LIMS1: variants seen among roughly 807,000 people sequenced by gnomAD.
LIMS1 encodes the protein LIM zinc finger domain containing 1.
In LIMS1, 18 loss-of-function variants were observed where a neutral mutation model predicts 44.1. The ratio of observed to expected loss-of-function variants is 0.41; its 90% CI spans 0.28 to 0.61. LIMS1 has a LOEUF of 0.61. Ranked by LOEUF, LIMS1 falls within the 20% of genes least tolerant of loss-of-function variation. The probability of loss-of-function intolerance (pLI) is 0.32; values close to 1 mark genes in which losing one functional copy is unlikely to be tolerated. For synonymous variants in LIMS1, 93 were observed against 149.1 expected (o/e 0.62, Z 2.74); for missense variants, 201 against 422.0 (o/e 0.48, Z 4.59).
At chr2:108,564,573 T>C (rs1685231366) in intron 1 of LIMS1, among the ~76,000 whole-genome samples, 1 of 152,130 alleles carries the variant, frequency 6.6e-6, no homozygotes, top group Non-Finnish European at 1.5e-5. Context: ...GGAGCCGGTG[T>C]TGCACTTCAA....
chr2:108,552,367 C>T (rs1032222471), intron 1 of LIMS1, among the ~76,000 whole-genome samples: 107 of 133,490 alleles, frequency 8.0e-4, no homozygotes, highest in African/African-American at 2.7e-3. Flanking sequence ...ATATACTATA[C>T]GTATAGTATA....
intron 1 of LIMS1, among the ~76,000 whole-genome samples, chr2:108,639,681 A>G (rs1440291444): frequency 6.6e-6 from 1 of 152,132 alleles, no homozygotes; most frequent in African/African-American, 2.4e-5. Flanking sequence ...TTGAACTCCT[A>G]ACCTCATGAT....
At chr2:108,668,180 A>T (rs1691920188) in intron 2 of LIMS1, among the ~76,000 whole-genome samples, 1 of 152,208 alleles carries the variant, frequency 6.6e-6, no homozygotes. Context: ...CACCTTGTAC[A>T]TTTATAATTT....
intron 1 of LIMS1, among the ~76,000 whole-genome samples, chr2:108,545,360 A>G (rs979355305): frequency 6.6e-6 from 1 of 152,156 alleles, no homozygotes; most frequent in Non-Finnish European, 1.5e-5. Flanking sequence ...CAGCCTCCCA[A>G]GTAGCTGGGA....
At chr2:108,642,875 T>G (rs1558824484) in intron 1 of LIMS1, among the ~76,000 whole-genome samples, 1 of 152,204 alleles carries the variant, frequency 6.6e-6, no homozygotes, top group Non-Finnish European at 1.5e-5. Context: ...AATCTGAAGC[T>G]TTACAGCCTT....
At chr2:108,642,342 G>GTTTTTTTT (rs764932432) in intron 1 of LIMS1, among the ~76,000 whole-genome samples, 201 of 14,926 alleles carry the variant, frequency 0.013, no homozygotes, top group African/African-American at 0.018. Flanking sequence ...AGTGTTTTTT[G>GTTTTTTTT]TTTTTTTTTT....
chr2:108,626,990 A>G (rs1268401954), intron 1 of LIMS1, among the ~76,000 whole-genome samples: 1 of 152,240 alleles, frequency 6.6e-6, no homozygotes, highest in Non-Finnish European at 1.5e-5. Context: ...ATGCAGATGT[A>G]CCATTTTAAT....
At chr2:108,639,961 G>T (rs112536141) in intron 1 of LIMS1, among the ~76,000 whole-genome samples, 5 of 152,124 alleles carry the variant, frequency 3.3e-5, no homozygotes, top group Admixed American at 1.3e-4. Context: ...ACATCCATGC[G>T]CACGGGCTCA....
At chr2:108,662,006 A>G (rs1171697858) in intron 2 of LIMS1, among the ~76,000 whole-genome samples, 1 of 152,114 alleles carries the variant, frequency 6.6e-6, no homozygotes, top group Non-Finnish European at 1.5e-5. Flanking sequence ...TTTCCCTTAC[A>G]TATTCTTTTT....
intron 1 of LIMS1, among the ~76,000 whole-genome samples, chr2:108,602,981 C>G (rs915753232): frequency 6.6e-6 from 1 of 152,110 alleles, no homozygotes; most frequent in Non-Finnish European, 1.5e-5. Context: ...AGGGTTTCGT[C>G]ATGGTACCCA....
intron 1 of LIMS1, among the ~76,000 whole-genome samples, chr2:108,608,560 T>C (rs1687407914): frequency 6.6e-6 from 1 of 152,206 alleles, no homozygotes; most frequent in East Asian, 1.9e-4. Flanking sequence ...CTCCTCGGCC[T>C]CCCAAAGTGC....
chr2:108,564,991 A>C (rs1573336696), intron 1 of LIMS1, among the ~76,000 whole-genome samples: 1 of 150,340 alleles, frequency 6.7e-6, no homozygotes, highest in African/African-American at 2.4e-5. Flanking sequence ...TAGCTCTTTA[A>C]GAGAAACCCA....
intron 1 of LIMS1, among the ~76,000 whole-genome samples, chr2:108,548,565 A>G (rs894435749): frequency 6.6e-6 from 1 of 152,202 alleles, no homozygotes; most frequent in Non-Finnish European, 1.5e-5. Flanking sequence ...GAAGTGTAGA[A>G]TGTGATGCTT....
chr2:108,587,388 A>G lies in LIMS1; in HGVS notation c.32+52794A>G, dbSNP rs191842546. Among the ~76,000 whole-genome samples the G allele has an allele frequency of 4.4e-3, 666 of 150,470 alleles. 4 individuals are homozygous for G. Among genetic ancestry groups the G allele is most frequent in the South Asian group, 0.014 (67 of 4,758 alleles). ...TTTTTGTTTTTGTTTTTTCAGAGAC[A>G]TGGTCTCCCTATGTTGCCTAGTCTG... On this transcript the variant is annotated intron_variant, in intron 1 of 9. Transcript: ENST00000544547.
At chr2:108,649,765 C>T (rs943446501) in intron 1 of LIMS1, among the ~76,000 whole-genome samples, 36 of 152,182 alleles carry the variant, frequency 2.4e-4, no homozygotes, top group African/African-American at 8.4e-4. Context: ...GGGAGTTGAA[C>T]AGTGAGAACA....
At chr2:108,572,807 A>G (rs1685527535) in intron 1 of LIMS1, among the ~76,000 whole-genome samples, 1 of 152,190 alleles carries the variant, frequency 6.6e-6, no homozygotes, top group Non-Finnish European at 1.5e-5. Context: ...TTTGAGAAAC[A>G]CTGTCTTAGA....
At chr2:108,569,764 C>CTTTTTTTTTTTTTTTTTTTTTTTTTTTTT (rs10596766) in intron 1 of LIMS1, among the ~76,000 whole-genome samples, 11 of 113,124 alleles carry the variant, frequency 9.7e-5, no homozygotes, top group African/African-American at 2.7e-4. Context: ...CCATATCTGG[C>CTTTTTTTTTTTTTTTTTTTTTTTTTTTTT]TTTTTTTTTT....
intron 1 of LIMS1, among the ~76,000 whole-genome samples, chr2:108,652,168 C>T (rs1558829372): frequency 6.6e-6 from 1 of 151,024 alleles, no homozygotes; most frequent in African/African-American, 2.4e-5. Flanking sequence ...AAAACCTAAG[C>T]ATTCACTTAC....
At chr2:108,540,010 G>A (rs2104566898) in intron 1 of LIMS1, among the ~76,000 whole-genome samples, 1 of 151,494 alleles carries the variant, frequency 6.6e-6, no homozygotes, top group South Asian at 2.1e-4. Flanking sequence ...ATGAACATAA[G>A]ATGATAGTAT....
Sources: gnomAD v4.1 joint callset for allele counts (sites outside exome capture counted in the v4.1 genomes callset) on GRCh38, gnomAD v4.1.1 for gene constraint, MANE v1.5 for transcripts, NCBI Gene and HGNC (gene_info 2026-07-23, HGNC 2026-07-21) for gene names.